PUDP: variants seen among roughly 807,000 people sequenced by gnomAD.
PUDP encodes the protein pseudouridine-5'-phosphatase.
PUDP carries 8 observed loss-of-function variants against 9.4 expected under a neutral mutation model. The ratio of observed to expected loss-of-function variants is 0.85; its 90% confidence interval spans 0.50 to 1.53. PUDP has a LOEUF of 1.53. Among genes scored for constraint, PUDP ranks in the 40% most tolerant of loss-of-function variants. PUDP has a pLI of 0.00. For missense variants in PUDP, 188 were observed against 189.7 expected, an observed-to-expected ratio of 0.99 and a Z score of 0.05; for synonymous variants, 99 against 80.7, an observed-to-expected ratio of 1.23 and a Z score of -1.22.
At chrX:7,095,483 G>C (rs1275802404) in intron 2 of PUDP, among the ~76,000 whole-genome samples, 2 of 112,409 alleles carry the variant, frequency 1.8e-5, no homozygotes, top group Admixed American at 9.4e-5. Flanking sequence ...ACATGGCACA[G>C]AGAATGTGTT....
chrX:7,133,737 G>C (rs1335881907), intron 1 of PUDP, among the ~76,000 whole-genome samples: 1 of 111,928 alleles, frequency 8.9e-6, no homozygotes, highest in Non-Finnish European at 1.9e-5. Context: ...ACACTCACTA[G>C]TCCCAGCCAG....
At chrX:7,079,206 A>G (rs1171526754) in intron 2 of PUDP, among the ~76,000 whole-genome samples, 1 of 112,798 alleles carries the variant, frequency 8.9e-6, no homozygotes, top group Non-Finnish European at 1.9e-5. Flanking sequence ...AGCCTTTAGA[A>G]CAATGAATGA....
At chrX:7,077,659 T>C (rs1176767917) in intron 2 of PUDP, among the ~76,000 whole-genome samples, 3 of 112,240 alleles carry the variant, frequency 2.7e-5, no homozygotes, top group East Asian at 2.8e-4. Context: ...AAAAAAGCTA[T>C]TGGCGGTTGA....
intron 3 of PUDP, among the ~76,000 whole-genome samples, chrX:6,873,901 T>C (rs1320349388): frequency 8.9e-6 from 1 of 111,844 alleles, no homozygotes; most frequent in Non-Finnish European, 1.9e-5. Context: ...AGAATTCAAG[T>C]AAATGCTCTG....
chrX:7,136,967 C>T (rs1433222164), intron 1 of PUDP, among the ~76,000 whole-genome samples: 2 of 112,129 alleles, frequency 1.8e-5, no homozygotes, highest in Non-Finnish European at 3.8e-5. Flanking sequence ...ATTAAGTTTA[C>T]TTTTCAAAAG....
At chrX:6,966,711 C>A (rs936748274) in intron 3 of PUDP, among the ~76,000 whole-genome samples, 1 of 110,468 alleles carries the variant, frequency 9.1e-6, no homozygotes, top group Non-Finnish European at 1.9e-5. Flanking sequence ...TCACAGCTGG[C>A]TAATTTTTTG....
chrX:6,962,918 G>A (rs989629932), intron 3 of PUDP, among the ~76,000 whole-genome samples: 2 of 112,938 alleles, frequency 1.8e-5, no homozygotes, highest in African/African-American at 6.4e-5. Context: ...TGGAACAGAT[G>A]TTGGTGCCAT....
At chrX:6,740,346 A>C (rs748511519) in intron 3 of PUDP, among the ~76,000 whole-genome samples, 1 of 112,106 alleles carries the variant, frequency 8.9e-6, no homozygotes, top group Non-Finnish European at 1.9e-5. Context: ...TTGTCATGGA[A>C]TAGACACTTC....
intron 3 of PUDP, among the ~76,000 whole-genome samples, chrX:6,820,921 TC>T (rs777225991): frequency 3.3e-4 from 37 of 111,840 alleles, no homozygotes; most frequent in Admixed American, 6.6e-4. Context: ...GTGTGGGGGC[TC>T]CTACCCCACA....
chrX:6,950,406 CTT>C (rs768745445), intron 3 of PUDP, among the ~76,000 whole-genome samples: 85 of 68,615 alleles, frequency 1.2e-3, no homozygotes, highest in African/African-American at 3.0e-3. Context: ...TTAGTCATTT[CTT>C]TTTTTTTTTT....
intron 3 of PUDP, among the ~76,000 whole-genome samples, chrX:6,906,698 C>T (rs952664518): frequency 6.3e-5 from 7 of 111,770 alleles, no homozygotes; most frequent in African/African-American, 2.3e-4. Flanking sequence ...GTATGACAAC[C>T]CCAGTCCAAT....
intron 1 of PUDP, among the ~76,000 whole-genome samples, chrX:6,986,097 G>A (rs927913236): frequency 9.0e-6 from 1 of 111,302 alleles, no homozygotes; most frequent in African/African-American, 3.3e-5. Flanking sequence ...TATGCTATAC[G>A]GTCTAAAAAG....
chrX:6,842,876 C>T (rs1246815977), intron 3 of PUDP, among the ~76,000 whole-genome samples: 2 of 112,336 alleles, frequency 1.8e-5, no homozygotes, highest in African/African-American at 6.5e-5. Flanking sequence ...AAGGTCATGT[C>T]ATTTTTGCCA....
At chrX:6,728,106 TGTTACATG>T (rs1924763705) in intron 3 of PUDP, among the ~76,000 whole-genome samples, 1 of 111,093 alleles carries the variant, frequency 9.0e-6, no homozygotes, top group African/African-American at 3.3e-5. Flanking sequence ...AAAAGGCATG[TGTTACATG>T]GTGGCAGACA....
intron 3 of PUDP, among the ~76,000 whole-genome samples, chrX:6,967,306 G>T (rs1928801802): frequency 9.0e-6 from 1 of 111,544 alleles, no homozygotes; most frequent in Non-Finnish European, 1.9e-5. Context: ...TCACCCCTTA[G>T]CTGGTGTCCC....
At chrX:7,024,009 T>C (rs1320767276) in intron 1 of PUDP, among the ~76,000 whole-genome samples, 1 of 112,122 alleles carries the variant, frequency 8.9e-6, no homozygotes, top group Non-Finnish European at 1.9e-5. Context: ...ATTGCTAGTA[T>C]ATAAAATAGT....
intron 1 of PUDP, among the ~76,000 whole-genome samples, chrX:7,118,998 CA>C (rs1932268282): frequency 8.9e-6 from 1 of 112,065 alleles, no homozygotes; most frequent in Non-Finnish European, 1.9e-5. Flanking sequence ...AGAAACCTTG[CA>C]AAAACAGTGA....
intron 3 of PUDP, among the ~76,000 whole-genome samples, chrX:6,890,935 C>CA (rs764486249): frequency 0.027 from 895 of 33,115 alleles, 88 homozygotes; most frequent in South Asian, 0.038. Flanking sequence ...CTCATCTCTC[C>CA]AAAAAAAAAA....
At chrX:6,757,816 G>A (rs1247155190) in intron 3 of PUDP, among the ~76,000 whole-genome samples, 1 of 112,358 alleles carries the variant, frequency 8.9e-6, no homozygotes, top group East Asian at 2.8e-4. Flanking sequence ...GTCGTGAAAT[G>A]TTGGTAGGCA....
Sources: allele counts gnomAD v4.1 joint callset (sites outside exome capture counted in the v4.1 genomes callset), GRCh38; gene constraint gnomAD v4.1.1; transcripts MANE v1.5; gene names NCBI Gene and HGNC (gene_info 2026-07-23, HGNC 2026-07-21).